The following MICAL3 variants were observed in gnomAD, a reference collection of about 807,000 sequenced individuals.
MICAL3 encodes microtubule associated monooxygenase, calponin and LIM domain containing 3.
In MICAL3, 62 loss-of-function variants were observed where a neutral mutation model predicts 207.4. The ratio of observed to expected loss-of-function variants is 0.30; its 90% confidence interval spans 0.24 to 0.37. The LOEUF (loss-of-function observed/expected upper bound fraction) is 0.37. MICAL3 is among the 10% of genes least tolerant of loss of function. The pLI, the probability that MICAL3 is intolerant of heterozygous loss-of-function variation, is 1.00. For synonymous variants in MICAL3, 1,077 were observed against 1,069.3 expected, an observed-to-expected ratio of 1.01 and a Z score of -0.14; for missense variants, 2,368 against 2,635.6, an observed-to-expected ratio of 0.90 and a Z score of 2.22.
Position 17,822,182 on chromosome 22 carries a change from A to T in MICAL3, c.3308-12T>A, listed in dbSNP as rs1921716804. On this transcript the variant is annotated splice_polypyrimidine_tract_variant and intron_variant, in intron 23 of 31. Coordinates refer to ENST00000441493, the MANE Select transcript of MICAL3 (RefSeq NM_015241.3). ...AGACCAGTGCTGATCTGGCAGAGGG[A>T]AGGGGCAGAAGTGGGTGCACACCCT... 1 of 1,612,054 alleles carries T rather than the reference A, an allele frequency of 6.2e-7. No homozygotes were observed. The highest frequency in any genetic ancestry group is 1.7e-4 in the Middle Eastern group (1 of 6,048).
rs549741774 is a variant in MICAL3, at chr22:17,921,925, G to A, written c.-74-15039C>T. 2.6e-5 allele frequency among the ~76,000 whole-genome samples: 4 copies of A among 152,230 alleles called. No homozygotes were observed. In the South Asian group the frequency reaches 8.3e-4, roughly 32 times the overall value. On this transcript the variant is annotated intron_variant, in intron 1 of 31. Transcript: ENST00000441493. ...CCAAACCCTCAGCAAGGCCCAAAAA[G>A]CTGACTTCTCTCACTACTATTAATA...
Position 17,871,453 on chromosome 22 carries a change from A to T in MICAL3, c.2428+384T>A, listed in dbSNP as rs145551167. Among the ~76,000 whole-genome samples, 766 of 152,360 alleles carry T rather than the reference A, an allele frequency of 5.0e-3. 7 individuals carry two copies. The highest frequency in any genetic ancestry group is 0.017 in the African/African-American group (719 of 41,586). On this transcript the variant is annotated intron_variant, in intron 17 of 31. Coordinates refer to ENST00000441493, the MANE Select transcript of MICAL3 (RefSeq NM_015241.3). Reference sequence around the variant, plus strand: ...TGAGACCCAGCTCCAACTTGCTGTCATCATCAACCTTAGGCAAAATATGTG... The same window carrying T: ...TGAGACCCAGCTCCAACTTGCTGTCTTCATCAACCTTAGGCAAAATATGTG...
intron 1 of MICAL3, among the ~76,000 whole-genome samples, chr22:17,924,732 C>T (rs997061685): frequency 6.6e-6 from 1 of 152,198 alleles, no homozygotes; most frequent in African/African-American, 2.4e-5. Flanking sequence ...AATTAAGCAA[C>T]CCTGTATTTC....
At chr22:17,926,871 G>A (rs1272363796) in intron 1 of MICAL3, among the ~76,000 whole-genome samples, 1 of 152,160 alleles carries the variant, frequency 6.6e-6, no homozygotes, top group Non-Finnish European at 1.5e-5. Context: ...CCTTGCAATA[G>A]TCTCTTAAAT....
intron 1 of MICAL3, among the ~76,000 whole-genome samples, chr22:17,937,459 T>G (rs1179004396): frequency 6.6e-6 from 1 of 151,436 alleles, no homozygotes; most frequent in Non-Finnish European, 1.5e-5. Flanking sequence ...AGGTCAGGAG[T>G]TCAAGACCAG....
chr22:17,924,136 G>A (rs1932860356), intron 1 of MICAL3, among the ~76,000 whole-genome samples: 2 of 152,138 alleles, frequency 1.3e-5, no homozygotes, highest in Non-Finnish European at 2.9e-5. Context: ...TCCCTCCCAC[G>A]ACACGTGGGG....
Position 17,864,950 on chromosome 22 carries a change from C to T in MICAL3, c.2554G>A (p.Asp852Asn). The T allele has an allele frequency of 6.2e-7, 1 of 1,613,132 alleles. No individual in the cohort carries two copies. Among genetic ancestry groups the T allele is most frequent in the Middle Eastern group, 1.7e-4 (1 of 6,056 alleles). Reference sequence around the variant, plus strand: ...ACGGCGTTGGCCCGTCCGTTTGCATCTGTGGTGGCGCCATCCTGCAGGGGT... The same window carrying T: ...ACGGCGTTGGCCCGTCCGTTTGCATTTGTGGTGGCGCCATCCTGCAGGGGT... ...KGPLQDGATT[D>N]ANGRANAVAS... is the part of the protein sequence containing the mutation. Residue 852 changes from aspartate (D) to asparagine (N), a missense_variant, in exon 19 of 32, where the codon GAT (aspartate) becomes AAT (asparagine). Asp to Asn is a conservative substitution (Grantham distance 23). Coordinates refer to ENST00000441493, the MANE Select transcript of MICAL3 (RefSeq NM_015241.3).
intron 2 of MICAL3, 112 bp downstream of exon 2, chr22:17,906,437 T>C (rs563732364): frequency 4.6e-4 from 741 of 1,597,796 alleles, no homozygotes; most frequent in Non-Finnish European, 5.6e-4. Context: ...TAGAACTTCT[T>C]GGCACCCAGA....
chr22:17,828,329 G>C (rs893869010), intron 21 of MICAL3, among the ~76,000 whole-genome samples: 3 of 152,164 alleles, frequency 2.0e-5, no homozygotes, highest in African/African-American at 2.4e-5. Flanking sequence ...CCGCCAGCCG[G>C]CCAGCTCACA....
intron 20 of MICAL3, among the ~76,000 whole-genome samples, chr22:17,836,594 C>T (rs765636024): frequency 6.6e-6 from 1 of 151,666 alleles, no homozygotes; most frequent in Non-Finnish European, 1.5e-5. Context: ...TTCAAGCAGA[C>T]CCTACCATGA....
At chr22:17,892,518 TC>T (rs943468510) in intron 11 of MICAL3, among the ~76,000 whole-genome samples, 47 of 152,356 alleles carry the variant, frequency 3.1e-4, no homozygotes, top group African/African-American at 1.1e-3. Context: ...TTTAGGTTTT[TC>T]GCCATGAAAA....
chr22:17,894,616 G>A (rs1301261788), intron 10 of MICAL3, among the ~76,000 whole-genome samples: 1 of 151,668 alleles, frequency 6.6e-6, no homozygotes, highest in African/African-American at 2.4e-5. Context: ...GACCAACACA[G>A]TGAAACCCCA....
At chr22:17,895,993 CTT>C (rs1383001662) in intron 9 of MICAL3, among the ~76,000 whole-genome samples, 2 of 152,178 alleles carry the variant, frequency 1.3e-5, no homozygotes, top group Admixed American at 6.6e-5. Flanking sequence ...TTCAAAGCTA[CTT>C]TTAATTTCTT....
At chr22:17,821,547 C>T (rs749064765) in intron 24 of MICAL3, 38 bp from the exon 25 acceptor site, 3 of 1,507,708 alleles carry the variant, frequency 2.0e-6, no homozygotes, top group Non-Finnish European at 2.7e-6. Flanking sequence ...AAGAGGAAGC[C>T]CCCCCATGTG....
intron 19 of MICAL3, among the ~76,000 whole-genome samples, chr22:17,852,144 C>A (rs1925404365): frequency 6.6e-6 from 1 of 152,188 alleles, no homozygotes; most frequent in Admixed American, 6.5e-5. Context: ...CAGAGACAAA[C>A]CCACGTTCCA....
intron 28 of MICAL3, 24 bp from the exon 29 acceptor site, chr22:17,808,961 G>A: frequency 6.5e-7 from 1 of 1,536,788 alleles, no homozygotes; most frequent in Non-Finnish European, 8.8e-7. Context: ...CACAGACTGA[G>A]CACCCGGCTC....
At chr22:17,860,341 G>C in intron 19 of MICAL3, 1 of 985,418 alleles carries the variant, frequency 1.0e-6, no homozygotes, top group Non-Finnish European at 1.2e-6. Context: ...GGCAAAAATG[G>C]AAGTGGAGAG....
intron 1 of MICAL3, among the ~76,000 whole-genome samples, chr22:18,003,033 G>A (rs955551376): frequency 1.3e-5 from 2 of 151,862 alleles, no homozygotes; most frequent in South Asian, 2.1e-4. Flanking sequence ...GGTGGTGGGC[G>A]CCTGTAGTCC....
At chr22:17,983,704 C>T (rs1242646493) in intron 1 of MICAL3, 1 of 152,742 alleles carries the variant, frequency 6.5e-6, no homozygotes, top group African/African-American at 2.4e-5. Context: ...AGTACCCTGT[C>T]CTCACCACCC....
Sources: gnomAD v4.1 joint callset for allele counts (sites outside exome capture counted in the v4.1 genomes callset) on GRCh38, gnomAD v4.1.1 for gene constraint, MANE v1.5 for transcripts, NCBI Gene and HGNC (gene_info 2026-07-23, HGNC 2026-07-21) for gene names.